Variants in STK31 observed in about 807,000 individuals in gnomAD.
STK31 encodes serine/threonine kinase 31.
A neutral mutation model predicts 129.7 loss-of-function variants in STK31; 89 were observed. That is an observed-to-expected ratio of 0.69 (90% CI 0.58 to 0.82). STK31 has a LOEUF of 0.82. STK31 is among the 40% of genes least tolerant of loss of function. The pLI, the probability that STK31 is intolerant of heterozygous loss-of-function variation, is 0.00. For synonymous variants in STK31, 448 were observed against 395.3 expected (o/e 1.13, Z -1.58); for missense variants, 1,187 against 1,176.4 (o/e 1.01, Z -0.13).
chr7:23,751,921 C>G (rs1056465497), intron 8 of STK31, among the ~76,000 whole-genome samples: 3 of 123,684 alleles, frequency 2.4e-5, no homozygotes, highest in Non-Finnish European at 4.8e-5. Flanking sequence ...CTAGAGCAGT[C>G]AAATCTGTAG....
intron 11 of STK31, among the ~76,000 whole-genome samples, chr7:23,763,749 C>T (rs1421074693): frequency 9.0e-6 from 1 of 111,394 alleles, no homozygotes; most frequent in Non-Finnish European, 2.0e-5. Context: ...CAAATGTTTT[C>T]ATTTGAAATG....
At chr7:23,758,175 C>T (rs1789221716) in intron 10 of STK31, among the ~76,000 whole-genome samples, 2 of 152,120 alleles carry the variant, frequency 1.3e-5, no homozygotes, top group African/African-American at 4.8e-5. Flanking sequence ...TTTCTTTTCC[C>T]CACACTACCT....
chr7:23,823,977 A>C (rs905254143), intron 23 of STK31, among the ~76,000 whole-genome samples: 1 of 152,200 alleles, frequency 6.6e-6, no homozygotes, highest in African/African-American at 2.4e-5. Flanking sequence ...TGGTACCAGT[A>C]TCATGCTATT....
intron 20 of STK31, among the ~76,000 whole-genome samples, chr7:23,787,608 G>A (rs1304740963): frequency 6.6e-6 from 1 of 152,074 alleles, no homozygotes; most frequent in Non-Finnish European, 1.5e-5. Flanking sequence ...AGGGATCTAG[G>A]TTGCGCACTC....
chr7:23,717,376 C>G (rs899111485), intron 3 of STK31, 105 bp from the exon 4 acceptor site: 6 of 640,376 alleles, frequency 9.4e-6, no homozygotes, highest in African/African-American at 8.3e-5. Flanking sequence ...GATTTAATTT[C>G]TAATGGCCTA....
rs753389330 is a variant in STK31, at chr7:23,786,954, GA to G, written c.2487+31del. On this transcript the variant is annotated intron_variant, in intron 20 of 23. Transcript: ENST00000355870. ...GTAAAAAGCACTATTTATTTCCATG[GA>G]TGTATTAAATGAGAAAATAACACCT... 799 of 1,587,350 alleles carry G rather than the reference GA, an allele frequency of 5.0e-4. 3 individuals are homozygous for G. Among genetic ancestry groups the G allele is most frequent in the South Asian group, 8.1e-4 (72 of 89,142 alleles).
chr7:23,796,336 G>A (rs1426793325), intron 22 of STK31, among the ~76,000 whole-genome samples: 1 of 148,696 alleles, frequency 6.7e-6, no homozygotes, highest in Non-Finnish European at 1.5e-5. Context: ...TATCAGAAGG[G>A]TGAAAGTAAA....
At chr7:23,783,724 T>C in intron 17 of STK31, 61 bp downstream of exon 17, 1 of 1,327,534 alleles carries the variant, frequency 7.5e-7, no homozygotes. Flanking sequence ...GTGATAATAT[T>C]AAATTTGTGT....
chr7:23,710,265 G>A lies in STK31; in HGVS notation c.-21G>A. On this transcript the variant is annotated 5_prime_UTR_variant, in exon 1 of 24. Coordinates refer to ENST00000355870, the MANE Select transcript of STK31 (RefSeq NM_031414.5). ...AGCCGCTGCACGTGTGCTACGGCGGGCGGAGGGCCGAAAGTCCAGTATGTG... is the reference window on the plus strand; with the variant it reads ...AGCCGCTGCACGTGTGCTACGGCGGACGGAGGGCCGAAAGTCCAGTATGTG... 1 of 1,610,952 alleles carries A rather than the reference G, an allele frequency of 6.2e-7. No homozygotes were observed. Among genetic ancestry groups the A allele is most frequent in the Non-Finnish European group, 8.5e-7 (1 of 1,179,484 alleles).
At chr7:23,814,894 T>G (rs1554298053) in intron 22 of STK31, among the ~76,000 whole-genome samples, 3 of 152,172 alleles carry the variant, frequency 2.0e-5, no homozygotes, top group Non-Finnish European at 4.4e-5. Flanking sequence ...ACACGTTTTC[T>G]TATAAGGTGA....
At chr7:23,726,428 A>C (rs1387930106) in intron 4 of STK31, 1 of 56,662 alleles carries the variant, frequency 1.8e-5, no homozygotes, top group Non-Finnish European at 4.1e-5. Context: ...CCTTGCCTCT[A>C]CAAAAAAAAA....
At chr7:23,782,976 G>A (rs1435780930) in intron 16 of STK31, among the ~76,000 whole-genome samples, 1 of 151,854 alleles carries the variant, frequency 6.6e-6, no homozygotes, top group Non-Finnish European at 1.5e-5. Context: ...TAAGATGGTA[G>A]TTTAGATGGG....
intron 7 of STK31, 121 bp downstream of exon 7, chr7:23,736,017 C>A: frequency 2.7e-6 from 2 of 751,318 alleles, no homozygotes; most frequent in Non-Finnish European, 4.1e-6. Context: ...AGGGCTGATG[C>A]TGATATTTCT....
At chr7:23,815,025 G>A (rs949970141) in intron 22 of STK31, 119 bp from the exon 23 acceptor site, 5 of 654,316 alleles carry the variant, frequency 7.6e-6, no homozygotes, top group African/African-American at 3.8e-5. Context: ...GAGAGTTAAT[G>A]TGCTTTCTTT....
chr7:23,809,640 T>C (rs977511188), intron 22 of STK31, among the ~76,000 whole-genome samples: 3 of 152,160 alleles, frequency 2.0e-5, no homozygotes, highest in African/African-American at 7.2e-5. Context: ...TTTCCATCCA[T>C]GTTTGGTTGA....
At chr7:23,775,014 C>T (rs187861025) in intron 15 of STK31, among the ~76,000 whole-genome samples, 1 of 152,332 alleles carries the variant, frequency 6.6e-6, no homozygotes, top group African/African-American at 2.4e-5. Flanking sequence ...GTTTTCCCAA[C>T]ACCATTTATT....
chr7:23,766,890 G>T (rs1373101035), intron 11 of STK31, among the ~76,000 whole-genome samples: 1 of 152,042 alleles, frequency 6.6e-6, no homozygotes, highest in African/African-American at 2.4e-5. Flanking sequence ...TAGGAGGTGG[G>T]TTAAACTAAA....
intron 23 of STK31, among the ~76,000 whole-genome samples, 171 bp from the exon 24 acceptor site, chr7:23,831,965 G>T (rs752984182): frequency 6.6e-6 from 1 of 152,078 alleles, no homozygotes; most frequent in Non-Finnish European, 1.5e-5. Context: ...GTGATTATCG[G>T]CTCATTATTT....
chr7:23,752,181 AGAT>A (rs1160574721), intron 8 of STK31, among the ~76,000 whole-genome samples: 1 of 152,200 alleles, frequency 6.6e-6, no homozygotes, highest in Non-Finnish European at 1.5e-5. Flanking sequence ...CACCAAAAAA[AGAT>A]GATGAATGAA....
Sources: gnomAD v4.1 joint callset for allele counts (sites outside exome capture counted in the v4.1 genomes callset) on GRCh38, gnomAD v4.1.1 for gene constraint, MANE v1.5 for transcripts, NCBI Gene and HGNC (gene_info 2026-07-23, HGNC 2026-07-21) for gene names.